The following GABRB1 variants were observed in gnomAD, a reference collection of about 807,000 sequenced individuals.
GABRB1 encodes gamma-aminobutyric acid type A receptor subunit beta1.
In GABRB1, 17 loss-of-function variants were observed where a neutral mutation model predicts 51.6. The ratio of observed to expected loss-of-function variants is 0.33; its 90% CI spans 0.23 to 0.49. The LOEUF is 0.49. GABRB1 is among the 20% of genes least tolerant of loss of function. The probability of loss-of-function intolerance (pLI) is 0.99; values close to 1 mark genes in which losing one functional copy is unlikely to be tolerated. For missense variants in GABRB1, 410 were observed against 600.6 expected (o/e 0.68, Z 3.32); for synonymous variants, 247 against 218.9 (o/e 1.13, Z -1.14).
chr4:47,411,875 G>C (rs1728770844), intron 8 of GABRB1, among the ~76,000 whole-genome samples: 2 of 152,238 alleles, frequency 1.3e-5, no homozygotes, highest in African/African-American at 4.8e-5. Context: ...AACTATAAAA[G>C]TGGAACAATG....
At chr4:47,322,636 A>C (rs1264576407) in intron 5 of GABRB1, among the ~76,000 whole-genome samples, 1 of 152,182 alleles carries the variant, frequency 6.6e-6, no homozygotes, top group Non-Finnish European at 1.5e-5. Flanking sequence ...TCATCATGGA[A>C]TCCTGAATCA....
chr4:47,404,625 T>A (rs2110052980), intron 7 of GABRB1, among the ~76,000 whole-genome samples: 1 of 152,286 alleles, frequency 6.6e-6, no homozygotes, highest in Middle Eastern at 3.4e-3. Context: ...CTATACTAAT[T>A]GTCATCACTA....
intron 4 of GABRB1, among the ~76,000 whole-genome samples, chr4:47,282,134 C>T (rs146098270): frequency 7.5e-4 from 114 of 152,106 alleles, no homozygotes; most frequent in African/African-American, 2.6e-3. Context: ...ATCAAAACAT[C>T]GCCTTGTACC....
intron 5 of GABRB1, among the ~76,000 whole-genome samples, chr4:47,375,060 A>G (rs772988310): frequency 6.6e-6 from 1 of 152,264 alleles, no homozygotes; most frequent in Non-Finnish European, 1.5e-5. Context: ...ATAGACCTCC[A>G]CAATGGTGTG....
At chr4:47,268,257 A>C (rs1722718352) in intron 4 of GABRB1, among the ~76,000 whole-genome samples, 1 of 152,208 alleles carries the variant, frequency 6.6e-6, no homozygotes, top group Non-Finnish European at 1.5e-5. Flanking sequence ...AACAAAATGA[A>C]ATAGTAAACT....
intron 5 of GABRB1, among the ~76,000 whole-genome samples, chr4:47,330,913 T>G (rs1015808208): frequency 3.3e-5 from 5 of 152,188 alleles, no homozygotes; most frequent in Non-Finnish European, 7.4e-5. Flanking sequence ...TTCTTACTTT[T>G]ATTGCTGCCT....
At chr4:47,130,715 C>T (rs946808428) in intron 3 of GABRB1, among the ~76,000 whole-genome samples, 4 of 152,048 alleles carry the variant, frequency 2.6e-5, no homozygotes, top group Non-Finnish European at 4.4e-5. Flanking sequence ...TGCAGTAGGT[C>T]GCAGGGATCA....
chr4:47,212,018 G>A (rs1720376474), intron 4 of GABRB1, among the ~76,000 whole-genome samples: 1 of 152,126 alleles, frequency 6.6e-6, no homozygotes, highest in Non-Finnish European at 1.5e-5. Context: ...CACAGGTTCT[G>A]AGGATTAGGA....
At chr4:47,014,368 A>T (rs1724675618) in intron 1 of GABRB1, among the ~76,000 whole-genome samples, 1 of 152,214 alleles carries the variant, frequency 6.6e-6, no homozygotes, top group African/African-American at 2.4e-5. Context: ...ATCTTTATAA[A>T]GAACCTGTCA....
intron 4 of GABRB1, among the ~76,000 whole-genome samples, chr4:47,228,445 A>C (rs1721027257): frequency 6.6e-6 from 1 of 152,094 alleles, no homozygotes. Context: ...AATGCTTACC[A>C]GGTACTTTCT....
At chr4:47,335,022 A>C (rs980227603) in intron 5 of GABRB1, among the ~76,000 whole-genome samples, 2 of 152,184 alleles carry the variant, frequency 1.3e-5, no homozygotes, top group African/African-American at 4.8e-5. Flanking sequence ...AGAAAAGTCC[A>C]TCTTAGTCAT....
intron 4 of GABRB1, among the ~76,000 whole-genome samples, chr4:47,193,125 T>G (rs935437863): frequency 2.6e-5 from 4 of 151,820 alleles, no homozygotes; most frequent in Admixed American, 6.6e-5. Context: ...ATATGTGTTT[T>G]TTGTTGTTGT....
chr4:47,225,203 G>A (rs550411880), intron 4 of GABRB1, among the ~76,000 whole-genome samples: 12 of 152,198 alleles, frequency 7.9e-5, no homozygotes, highest in African/African-American at 2.9e-4. Flanking sequence ...TTGGAGTGTT[G>A]AGGTATTAGT....
intron 5 of GABRB1, among the ~76,000 whole-genome samples, chr4:47,336,976 T>C (rs1725723151): frequency 6.6e-6 from 1 of 152,156 alleles, no homozygotes; most frequent in South Asian, 2.1e-4. Context: ...ATAATCCGCA[T>C]GTATATTGGA....
At chr4:47,296,527 G>T (rs999844584) in intron 4 of GABRB1, among the ~76,000 whole-genome samples, 4 of 152,104 alleles carry the variant, frequency 2.6e-5, no homozygotes, top group Non-Finnish European at 4.4e-5. Context: ...ATTACATAAT[G>T]GTAAAGGGAT....
At chr4:47,190,554 C>A (rs150528820) in intron 4 of GABRB1, among the ~76,000 whole-genome samples, 11 of 152,196 alleles carry the variant, frequency 7.2e-5, no homozygotes, top group Non-Finnish European at 1.0e-4. Context: ...TTTTCAAAGG[C>A]TTTTAAATCC....
intron 5 of GABRB1, among the ~76,000 whole-genome samples, chr4:47,352,022 A>G (rs1726362906): frequency 6.6e-6 from 1 of 152,058 alleles, no homozygotes; most frequent in African/African-American, 2.4e-5. Context: ...TTACAGTCCC[A>G]CCAACAGTGT....
chr4:47,398,162 T>C (rs972458436), intron 5 of GABRB1, among the ~76,000 whole-genome samples: 1 of 152,182 alleles, frequency 6.6e-6, no homozygotes, highest in African/African-American at 2.4e-5. Flanking sequence ...CTGGTCCTTT[T>C]CATCTATTAT....
At position 47,053,314 on chromosome 4, in the gene GABRB1, C is replaced by T. The variant is rs549399582; in HGVS notation, c.240+20830C>T. 4.6e-5 allele frequency among the ~76,000 whole-genome samples: 7 copies of T among 152,218 alleles called. No individual in the cohort carries two copies. In the South Asian group the frequency reaches 1.0e-3, roughly 23 times the overall value. On this transcript the variant is annotated intron_variant, in intron 3 of 8. Transcript: ENST00000295454. ...TTTTCACAATTCTGGAAACTGGGAA[C>T]GCCAAGATGAAGGCACCAGCAGGTC...
Sources: allele counts gnomAD v4.1 joint callset (sites outside exome capture counted in the v4.1 genomes callset), GRCh38; gene constraint gnomAD v4.1.1; transcripts MANE v1.5; gene names NCBI Gene and HGNC (gene_info 2026-07-23, HGNC 2026-07-21).